KLHL18: variants seen among roughly 807,000 people sequenced by gnomAD.
KLHL18 encodes kelch-like protein 18.
Under a neutral mutation model 58.5 loss-of-function variants are expected in KLHL18, and 38 were observed. The observed-to-expected ratio is 0.65, with a 90% CI of 0.50 to 0.85. The LOEUF (loss-of-function observed/expected upper bound fraction) is 0.85, where lower values mean the gene tolerates loss of function less well. Among genes scored for constraint, KLHL18 ranks in the 40% least tolerant of loss-of-function variants. KLHL18 has a pLI of 0.00. For missense variants in KLHL18, 624 were observed against 778.4 expected, an observed-to-expected ratio of 0.80 and a Z score of 2.36; for synonymous variants, 303 against 301.9, an observed-to-expected ratio of 1.00 and a Z score of -0.04.
chr3:47,291,035 C>A (rs1702781432), intron 1 of KLHL18, among the ~76,000 whole-genome samples: 1 of 152,172 alleles, frequency 6.6e-6, no homozygotes, highest in South Asian at 2.1e-4. Context: ...CACCCTAAGG[C>A]TTCTGGAGCT....
chr3:47,327,416 G>A (rs1245243251), intron 3 of KLHL18, among the ~76,000 whole-genome samples: 15 of 152,232 alleles, frequency 9.9e-5, no homozygotes, highest in Admixed American at 9.8e-4. Flanking sequence ...TCCAGCTTCT[G>A]CCCCGTGGCA....
chr3:47,301,240 C>T (rs1435860552), intron 1 of KLHL18, among the ~76,000 whole-genome samples: 1 of 151,474 alleles, frequency 6.6e-6, no homozygotes, highest in African/African-American at 2.4e-5. Context: ...TGATTTAGTC[C>T]AATTTTTTTT....
chr3:47,306,805 A>G (rs1703157924), intron 1 of KLHL18, among the ~76,000 whole-genome samples: 1 of 152,170 alleles, frequency 6.6e-6, no homozygotes, highest in East Asian at 1.9e-4. Flanking sequence ...TTTGGGTATT[A>G]TTGGACTTCC....
chr3:47,325,991 AG>A (rs1703710570), intron 3 of KLHL18, among the ~76,000 whole-genome samples: 1 of 151,820 alleles, frequency 6.6e-6, no homozygotes, highest in African/African-American at 2.4e-5. Context: ...TCTGTCGCCC[AG>A]GCAGGAATGC....
At chr3:47,317,981 G>T (rs2107625486) in intron 1 of KLHL18, among the ~76,000 whole-genome samples, 1 of 152,256 alleles carries the variant, frequency 6.6e-6, no homozygotes, top group South Asian at 2.1e-4. Context: ...CGACTCTCCT[G>T]CCCCAGTGAC....
intron 4 of KLHL18, among the ~76,000 whole-genome samples, chr3:47,332,804 A>G (rs1703895143): frequency 6.6e-6 from 1 of 152,090 alleles, no homozygotes; most frequent in Non-Finnish European, 1.5e-5. Context: ...CAGTGTAAAC[A>G]GGAGAACCAG....
chr3:47,327,500 A>G (rs934912911), intron 3 of KLHL18, among the ~76,000 whole-genome samples: 1 of 152,240 alleles, frequency 6.6e-6, no homozygotes, highest in Non-Finnish European at 1.5e-5. Flanking sequence ...GGCCCAGGGA[A>G]GGTTTATCTT....
rs528449908 is a variant in KLHL18, at chr3:47,334,399, C to T, written c.762-284C>T. On this transcript the variant is annotated intron_variant, in intron 5 of 9. Coordinates refer to ENST00000232766, the MANE Select transcript of KLHL18 (RefSeq NM_025010.5). The surrounding 1 kb of genome is among the most constrained non-coding windows in gnomAD (Gnocchi z 4.7). ...ACAGGGTGCATGCTGCTTGTCGAAA[C>T]TCCCAGGTCCAGCCATTTTGGCCAC... is the stretch of plus-strand genomic sequence containing the variant. Among the ~76,000 whole-genome samples the T allele has an allele frequency of 7.2e-5, 11 of 152,276 alleles. No homozygotes were observed. Among genetic ancestry groups the T allele is most frequent in the Admixed American group, 2.0e-4 (3 of 15,296 alleles).
chr3:47,297,129 C>A (rs1049166949), intron 1 of KLHL18, among the ~76,000 whole-genome samples: 12 of 152,198 alleles, frequency 7.9e-5, no homozygotes, highest in Non-Finnish European at 1.3e-4. Flanking sequence ...TTCCTCACCC[C>A]CTTCCTGTGT....
chr3:47,344,859 C>T lies in KLHL18; in HGVS notation c.*918C>T, dbSNP rs949060548. 2.0e-5 allele frequency: 3 copies of T among 152,614 alleles called. No homozygotes were observed. Among genetic ancestry groups the T allele is most frequent in the Non-Finnish European group, 2.9e-5 (2 of 68,056 alleles). The allele number at this position is 152,614 out of a possible 1,614,324, so 9.5% of individuals were successfully genotyped here. A position where few individuals can be genotyped will look rare whatever the true frequency, so the allele number is the denominator to read the frequency against. On this transcript the variant is annotated 3_prime_UTR_variant, in exon 10 of 10. Transcript: ENST00000232766. Reference sequence around the variant, plus strand: ...CCCCAGTGTGTGTGGAATCAGTGCACTCTTGACTGGGCCTGTAGTAAGGTG... The same window carrying T: ...CCCCAGTGTGTGTGGAATCAGTGCATTCTTGACTGGGCCTGTAGTAAGGTG...
intron 3 of KLHL18, among the ~76,000 whole-genome samples, chr3:47,329,246 G>A (rs2107645302): frequency 6.6e-6 from 1 of 150,890 alleles, no homozygotes; most frequent in African/African-American, 2.4e-5. Flanking sequence ...TTTTTGTTTT[G>A]AGACGGAGTC....
chr3:47,316,865 T>C (rs1366228690), intron 1 of KLHL18, among the ~76,000 whole-genome samples: 1 of 151,160 alleles, frequency 6.6e-6, no homozygotes, highest in Non-Finnish European at 1.5e-5. Flanking sequence ...TCTCAACTAC[T>C]CAGGAGACTG....
Position 47,334,640 on chromosome 3 carries a change from C to T in KLHL18, c.762-43C>T, listed in dbSNP as rs775655331. The T allele has an allele frequency of 6.2e-7, 1 of 1,609,402 alleles. No homozygotes were observed. The highest frequency in any genetic ancestry group is 8.5e-7 in the Non-Finnish European group (1 of 1,176,366). On this transcript the variant is annotated intron_variant, in intron 5 of 9. Coordinates refer to ENST00000232766, the MANE Select transcript of KLHL18 (RefSeq NM_025010.5). This position sits in a 1 kb window ranked among gnomAD's most constrained non-coding sequence, Gnocchi z 4.7. ...TCAGAGATGCAAACGAGGACTAAGT[C>T]AGGGGGATACCTCCTGTTCTAGCAT...
intron 1 of KLHL18, among the ~76,000 whole-genome samples, chr3:47,316,538 TAC>T (rs1171206342): frequency 5.1e-4 from 3 of 5,836 alleles, no homozygotes; most frequent in Admixed American, 3.1e-3. Context: ...TGTATATATA[TAC>T]ATATATACAT....
Position 47,334,289 on chromosome 3 carries a change from C to T in KLHL18, c.762-394C>T, listed in dbSNP as rs1312929057. ...AGGGAAATGTGTCAGGAGCTGCCAC[C>T]GTGGAGATGAGTGGTGATTAATTGC... On this transcript the variant is annotated intron_variant, in intron 5 of 9. Coordinates refer to ENST00000232766, the MANE Select transcript of KLHL18 (RefSeq NM_025010.5). This position sits in a 1 kb window ranked among gnomAD's most constrained non-coding sequence, Gnocchi z 4.7. Among the ~76,000 whole-genome samples, 3 of 152,010 alleles carry T rather than the reference C, an allele frequency of 2.0e-5. No individual in the cohort carries two copies. Among genetic ancestry groups the T allele is most frequent in the Non-Finnish European group, 4.4e-5 (3 of 68,012 alleles).
intron 1 of KLHL18, among the ~76,000 whole-genome samples, chr3:47,317,961 C>T (rs1223108000): frequency 6.6e-6 from 1 of 152,182 alleles, no homozygotes; most frequent in African/African-American, 2.4e-5. Context: ...CTCTGCCTCC[C>T]AGGTTCAAGC....
At chr3:47,283,932 G>A (rs1009737917) in intron 1 of KLHL18, among the ~76,000 whole-genome samples, 1 of 152,166 alleles carries the variant, frequency 6.6e-6, no homozygotes, top group African/African-American at 2.4e-5. Context: ...GCATCTGTGC[G>A]TGATCCCTGT....
chr3:47,329,933 TC>T lies in KLHL18; in HGVS notation c.402-17del. On this transcript the variant is annotated splice_polypyrimidine_tract_variant and intron_variant, in intron 3 of 9. Transcript: ENST00000232766. Reference sequence around the variant, plus strand: ...TCCTTTCTTCCTCTAATTTTTTTTTTCTTTCCTTATGCCAAAGGCTTCACCC... The same window carrying T: ...TCCTTTCTTCCTCTAATTTTTTTTTTTTTCCTTATGCCAAAGGCTTCACCC... 6.2e-7 allele frequency: 1 copy of T among 1,611,190 alleles called. No individual in the cohort carries two copies. The highest frequency in any genetic ancestry group is 1.1e-5 in the South Asian group (1 of 90,926).
intron 3 of KLHL18, among the ~76,000 whole-genome samples, chr3:47,324,523 C>G (rs949622557): frequency 6.6e-6 from 1 of 151,628 alleles, no homozygotes; most frequent in Admixed American, 6.6e-5. Context: ...GTACTGTTAT[C>G]TAAAAGTTGC....
Sources: gnomAD v4.1 joint callset for allele counts (sites outside exome capture counted in the v4.1 genomes callset) on GRCh38, gnomAD v4.1.1 for gene constraint, Gnocchi (gnomAD v3.1) non-coding constraint, MANE v1.5 for transcripts, NCBI Gene and HGNC (gene_info 2026-07-23, HGNC 2026-07-21) for gene names.